Variants in OSBPL11 observed in about 807,000 individuals in gnomAD.
OSBPL11 encodes oxysterol binding protein like 11.
OSBPL11 carries 33 observed loss-of-function variants against 84.4 expected under a neutral mutation model. That is an observed-to-expected ratio of 0.39 (90% CI 0.30 to 0.52). The LOEUF is 0.52. OSBPL11 is among the 20% of genes least tolerant of loss of function. The probability of loss-of-function intolerance (pLI) is 0.72; values close to 1 mark genes in which losing one functional copy is unlikely to be tolerated. For missense variants in OSBPL11, 736 were observed against 901.1 expected (o/e 0.82, Z 2.35); for synonymous variants, 276 against 310.2 (o/e 0.89, Z 1.16).
chr3:125,567,558 A>G lies in OSBPL11; in HGVS notation c.704T>C (p.Ile235Thr), dbSNP rs374377016. ...AGTAGGAAGGCATTCAATTCGTCTA[A>G]TTAAGTCTCTTTGTTGTCCTTCAGC... ...SHAEGQQRDL[I>T]RRIECLPTSG... Residue 235 changes from isoleucine to threonine, a missense_variant, in exon 6 of 13, where the codon ATT becomes ACT. Ile to Thr is a moderately conservative substitution (Grantham distance 89). Coordinates refer to ENST00000296220, the MANE Select transcript of OSBPL11 (RefSeq NM_022776.5). The G allele has an allele frequency of 1.2e-6, 2 of 1,614,214 alleles. No homozygotes were observed.
chr3:125,534,878 G>A (rs1230256646), intron 11 of OSBPL11, among the ~76,000 whole-genome samples: 1 of 132,412 alleles, frequency 7.6e-6, no homozygotes, highest in African/African-American at 2.9e-5. Context: ...GTCCACTAAG[G>A]CTAAAATATT....
In OSBPL11 at chr3:125,560,065, G is replaced by A. The variant is rs533585539; in HGVS notation, c.1155+314C>T. Among the ~76,000 whole-genome samples, 54 of 152,046 alleles carry A rather than the reference G, an allele frequency of 3.6e-4. No individual in the cohort carries two copies. The East Asian group carries it at 8.9e-3, about 25-fold the overall frequency. On this transcript the variant is annotated intron_variant, in intron 8 of 12. Transcript: ENST00000296220. The stretch of plus-strand genomic sequence containing the variant: ...TCACGAGGTCAGGAGCTCGAGACCC[G>A]CCTGGCCAACATGGTGAAACCCCAT...
chr3:125,578,641 T>C (rs1348448733), intron 4 of OSBPL11, among the ~76,000 whole-genome samples: 1 of 152,016 alleles, frequency 6.6e-6, no homozygotes, highest in Non-Finnish European at 1.5e-5. Context: ...TGTGGTGGTG[T>C]GTGCCTGTAG....
In OSBPL11 at chr3:125,539,341, ATAT is replaced by A. The variant is rs1559834990; in HGVS notation, c.1842-711_1842-709del. ...TATATATATATATATATATATATAT[ATAT>A]AATAGCTATATATATGGCTGTTTAT... On this transcript the variant is annotated intron_variant, in intron 10 of 12. Coordinates refer to ENST00000296220, the MANE Select transcript of OSBPL11 (RefSeq NM_022776.5). 8.6e-3 allele frequency among the ~76,000 whole-genome samples: 1,025 copies of A among 119,580 alleles called. 11 individuals are homozygous for A. Among genetic ancestry groups the A allele is most frequent in the Non-Finnish European group, 0.014 (785 of 58,036 alleles). 78.4% of individuals were successfully genotyped at this position (119,580 alleles called of 152,430 possible). A position where few individuals can be genotyped will look rare whatever the true frequency, so the allele number is the denominator to read the frequency against.
intron 6 of OSBPL11, among the ~76,000 whole-genome samples, chr3:125,565,383 T>TTA (rs1936138414): frequency 6.6e-6 from 1 of 152,196 alleles, no homozygotes; most frequent in Non-Finnish European, 1.5e-5. Flanking sequence ...TAAGCCTAAC[T>TTA]CATCCAATGT....
At position 125,529,468 on chromosome 3, in the gene OSBPL11, A is replaced by G. The variant is rs1008514375; in HGVS notation, c.*1047T>C. On this transcript the variant is annotated 3_prime_UTR_variant, in exon 13 of 13. Transcript: ENST00000296220. ...TTCCTCAAAAAAAAAAAAAATAAAT[A>G]AAACCATACCTTACATGCGCGTTCA... is the stretch of plus-strand genomic sequence containing the variant. 6.6e-6 allele frequency: 1 copy of G among 151,948 alleles called. No homozygotes were observed. The highest frequency in any genetic ancestry group is 2.4e-5 in the African/African-American group (1 of 41,342). The allele number at this position is 151,948 out of a possible 1,614,324, so 9.4% of individuals were successfully genotyped here. A position where few individuals can be genotyped will look rare whatever the true frequency, so the allele number is the denominator to read the frequency against.
intron 12 of OSBPL11, 23 bp downstream of exon 12, chr3:125,531,838 T>C (rs1009421425): frequency 3.2e-6 from 5 of 1,584,594 alleles, no homozygotes; most frequent in Non-Finnish European, 4.3e-6. Flanking sequence ...TACATTTTTA[T>C]CTTGAACACA....
intron 3 of OSBPL11, 47 bp downstream of exon 3, chr3:125,579,818 A>C: frequency 1.3e-6 from 2 of 1,580,210 alleles, no homozygotes; most frequent in East Asian, 2.2e-5. Context: ...CCAACTTCTC[A>C]AAAAAAGAGG....
intron 4 of OSBPL11, among the ~76,000 whole-genome samples, chr3:125,578,167 CAATAA>C (rs1425463806): frequency 1.3e-5 from 2 of 152,060 alleles, no homozygotes; most frequent in African/African-American, 4.8e-5. Flanking sequence ...TATATCTATA[CAATAA>C]AATATTACTC....
rs374107303 is a variant in OSBPL11 at position 125,582,990 on chromosome 3, T to G, written c.165-12A>C. ...TTTCCATGTGATCACTATTTCAAAA[T>G]GAAAAAGCCAAAGTTAGTAAAAATT... On this transcript the variant is annotated splice_polypyrimidine_tract_variant and intron_variant, in intron 1 of 12. Coordinates refer to ENST00000296220, the MANE Select transcript of OSBPL11 (RefSeq NM_022776.5). 46 of 1,566,858 alleles carry G rather than the reference T, an allele frequency of 2.9e-5. No individual in the cohort carries two copies. The Middle Eastern group carries it at 6.7e-4, about 23-fold the overall frequency.
intron 1 of OSBPL11, among the ~76,000 whole-genome samples, chr3:125,589,552 C>A (rs183491759): frequency 2.0e-5 from 3 of 150,520 alleles, no homozygotes; most frequent in Admixed American, 2.0e-4. Context: ...TAGCAGATGT[C>A]AGATACAGAA....
chr3:125,542,335 T>TA (rs1559835839), intron 10 of OSBPL11, among the ~76,000 whole-genome samples: 2 of 92,648 alleles, frequency 2.2e-5, no homozygotes, highest in African/African-American at 8.6e-5. Flanking sequence ...TTCTTTTCTT[T>TA]CTTTTTTTTT....
At chr3:125,556,985 T>C (rs934773435) in intron 8 of OSBPL11, among the ~76,000 whole-genome samples, 1 of 152,176 alleles carries the variant, frequency 6.6e-6, no homozygotes, top group Non-Finnish European at 1.5e-5. Flanking sequence ...CAGTCTTCTG[T>C]GTGTTTAACA....
chr3:125,586,426 TTG>T (rs1157076344), intron 1 of OSBPL11, among the ~76,000 whole-genome samples: 2 of 152,224 alleles, frequency 1.3e-5, no homozygotes, highest in Non-Finnish European at 2.9e-5. Flanking sequence ...CTTTATTATA[TTG>T]TGTTTAGTTT....
chr3:125,568,136 GCAA>G (rs1198837861), intron 5 of OSBPL11, among the ~76,000 whole-genome samples: 1 of 152,086 alleles, frequency 6.6e-6, no homozygotes, highest in African/African-American at 2.4e-5. Flanking sequence ...TTCTTTGGAA[GCAA>G]CAAAACTTAA....
chr3:125,529,644 T>TA lies in OSBPL11; in HGVS notation c.*870dup, dbSNP rs1935527758. ...AGGTGAAAAGAAAGAAGGAAAAAAG[T>TA]AACAGTTTTATTTTTTAATATTTGC... On this transcript the variant is annotated 3_prime_UTR_variant, in exon 13 of 13. Coordinates refer to ENST00000296220, the MANE Select transcript of OSBPL11 (RefSeq NM_022776.5). The TA allele has an allele frequency of 6.6e-6, 1 of 152,596 alleles. No individual in the cohort carries two copies. Among genetic ancestry groups the TA allele is most frequent in the African/African-American group, 2.4e-5 (1 of 41,444 alleles). The allele number at this position is 152,596 out of a possible 1,614,324, so 9.5% of individuals were successfully genotyped here.
chr3:125,575,182 A>C (rs1045443597), intron 5 of OSBPL11, among the ~76,000 whole-genome samples: 5 of 151,892 alleles, frequency 3.3e-5, no homozygotes, highest in Non-Finnish European at 7.4e-5. Context: ...TATATATTCT[A>C]TATGTTCTAT....
At chr3:125,593,500 A>G (rs1936632818) in intron 1 of OSBPL11, among the ~76,000 whole-genome samples, 1 of 151,804 alleles carries the variant, frequency 6.6e-6, no homozygotes, top group Non-Finnish European at 1.5e-5. Context: ...CACGCCTGTA[A>G]TCCCAGCTAC....
At chr3:125,567,123 T>C (rs930744908) in intron 6 of OSBPL11, among the ~76,000 whole-genome samples, 4 of 152,218 alleles carry the variant, frequency 2.6e-5, no homozygotes, top group Admixed American at 6.5e-5. Flanking sequence ...GATGCACATT[T>C]TGAGTTCAGT....
Sources: gnomAD v4.1 joint callset for allele counts (sites outside exome capture counted in the v4.1 genomes callset) on GRCh38, gnomAD v4.1.1 for gene constraint, MANE v1.5 for transcripts, NCBI Gene and HGNC (gene_info 2026-07-23, HGNC 2026-07-21) for gene names.